Variants in ACAD11 observed in about 807,000 individuals in gnomAD.
ACAD11 encodes the protein acyl-Coenzyme A dehydrogenase family, member 11.
ACAD11 carries 83 observed loss-of-function variants against 102.2 expected under a neutral mutation model. The ratio of observed to expected loss-of-function variants is 0.81; its 90% CI spans 0.68 to 0.97. The LOEUF is 0.97. Ranked by LOEUF, ACAD11 falls within the 50% of genes least tolerant of loss-of-function variation. The probability of loss-of-function intolerance (pLI) is 0.00; values close to 1 mark genes in which losing one functional copy is unlikely to be tolerated. For missense variants in ACAD11, 901 were observed against 951.7 expected (o/e 0.95, Z 0.70); for synonymous variants, 324 against 319.8 (o/e 1.01, Z -0.14).
intron 13 of ACAD11, among the ~76,000 whole-genome samples, chr3:132,596,895 T>G (rs927762939): frequency 3.3e-5 from 5 of 152,228 alleles, no homozygotes; most frequent in African/African-American, 1.2e-4. Flanking sequence ...ATATTTTCCT[T>G]GGTTAAAATC....
intron 9 of ACAD11, among the ~76,000 whole-genome samples, chr3:132,625,818 T>C (rs1391729408): frequency 4.6e-5 from 7 of 152,196 alleles, no homozygotes; most frequent in Admixed American, 2.0e-4. Context: ...CTCAGAATCA[T>C]AGATGATTAA....
At chr3:132,641,490 G>C (rs954475570) in intron 4 of ACAD11, among the ~76,000 whole-genome samples, 1 of 151,882 alleles carries the variant, frequency 6.6e-6, no homozygotes, top group African/African-American at 2.4e-5. Flanking sequence ...CTTGCAGTGA[G>C]CAGAGATTGC....
At chr3:132,630,302 C>T (rs1356966921) in intron 7 of ACAD11, 135 bp downstream of exon 7, 4 of 977,012 alleles carry the variant, frequency 4.1e-6, no homozygotes, top group Non-Finnish European at 5.6e-6. Flanking sequence ...TATATTTTAC[C>T]TATGTCTGAT....
At position 132,642,752 on chromosome 3, in the gene ACAD11, G is replaced by C. The variant is rs9877018; in HGVS notation, c.300C>G (p.Pro100=). ...TGCAGTACAGTATAGGCTTGGGAAC[G>C]GGGAATCCAATTGAAAACAAGGCTT... The part of the protein sequence containing the change: ...VQKALFSIGF[P]VPKPILYCSD... Residue 100 remains proline (P), a synonymous_variant, in exon 3 of 20, where the codon CCC becomes CCG. Coordinates refer to ENST00000264990, the MANE Select transcript of ACAD11 (RefSeq NM_032169.5). 13 of 1,613,136 alleles carry C rather than the reference G, an allele frequency of 8.1e-6. No homozygotes were observed. In the South Asian group the frequency reaches 1.4e-4, roughly 18 times the overall value.
chr3:132,656,056 C>A lies in ACAD11; in HGVS notation c.149+3547G>T, dbSNP rs375388753. 7.4e-4 allele frequency among the ~76,000 whole-genome samples: 113 copies of A among 152,264 alleles called. 1 individual carries two copies. The highest frequency in any genetic ancestry group is 2.6e-3 in the African/African-American group (108 of 41,544). ...GTATGTCCTTCCCCTTGAGTGACTA[C>A]CATTCTGAATTTTATATTTATCATT... On this transcript the variant is annotated intron_variant, in intron 1 of 19. Coordinates refer to ENST00000264990, the MANE Select transcript of ACAD11 (RefSeq NM_032169.5).
chr3:132,559,956 A>C lies in ACAD11; in HGVS notation c.2119-14T>G. 6.3e-7 allele frequency: 1 copy of C among 1,594,352 alleles called. No homozygotes were observed. Among genetic ancestry groups the C allele is most frequent in the Non-Finnish European group, 8.6e-7 (1 of 1,164,556 alleles). Reference sequence around the variant, plus strand: ...GATCATTGCAATCTATATAAGCAAAATATGAAAAGAATGCTTCTTTCTTAG... The same window carrying C: ...GATCATTGCAATCTATATAAGCAAACTATGAAAAGAATGCTTCTTTCTTAG... On this transcript the variant is annotated splice_polypyrimidine_tract_variant and intron_variant, in intron 18 of 19. Coordinates refer to ENST00000264990, the MANE Select transcript of ACAD11 (RefSeq NM_032169.5).
chr3:132,578,924 GA>G, intron 14 of ACAD11, 43 bp from the exon 15 acceptor site: 1 of 1,608,620 alleles, frequency 6.2e-7, no homozygotes, highest in East Asian at 2.2e-5. Context: ...TTGCTAAGAA[GA>G]AAAATAAAAC....
intron 11 of ACAD11, among the ~76,000 whole-genome samples, chr3:132,605,464 C>A (rs932985732): frequency 6.6e-6 from 1 of 152,198 alleles, no homozygotes; most frequent in Non-Finnish European, 1.5e-5. Context: ...AAGAATGGCA[C>A]TAATGACATC....
At chr3:132,641,296 C>T (rs1443980169) in intron 4 of ACAD11, among the ~76,000 whole-genome samples, 1 of 152,098 alleles carries the variant, frequency 6.6e-6, no homozygotes, top group Admixed American at 6.5e-5. Context: ...GTAATTCCAG[C>T]ACTTTGGGAG....
intron 13 of ACAD11, among the ~76,000 whole-genome samples, chr3:132,595,882 C>G (rs931780629): frequency 2.0e-5 from 3 of 151,688 alleles, no homozygotes; most frequent in African/African-American, 7.3e-5. Context: ...TCCTCAAAGA[C>G]CTAAAGACAG....
At chr3:132,595,907 C>T (rs1430019134) in intron 13 of ACAD11, among the ~76,000 whole-genome samples, 1 of 152,024 alleles carries the variant, frequency 6.6e-6, no homozygotes, top group Non-Finnish European at 1.5e-5. Context: ...ATCATTCGAG[C>T]CAACAATTCC....
Position 132,642,118 on chromosome 3 carries a change from C to T in ACAD11, c.391G>A (p.Asp131Asn), listed in dbSNP as rs1347456083. ...GGGCTAAGTCCAGGAATTGTTAAAT[C>T]ACGGAAGATTCGACCCTATGGAAGT... ...MEHVQGRIFR[D>N]LTIPGLSPAE... The change falls in exon 4 of 20, where the codon GAT (aspartate) becomes AAT (asparagine). Residue 131 changes from aspartate (D) to asparagine (N), a missense_variant. Coordinates refer to ENST00000264990, the MANE Select transcript of ACAD11 (RefSeq NM_032169.5). 6.2e-7 allele frequency: 1 copy of T among 1,613,748 alleles called. No individual in the cohort carries two copies. Among genetic ancestry groups the T allele is most frequent in the South Asian group, 1.1e-5 (1 of 91,056 alleles).
At chr3:132,655,098 C>T (rs927093107) in intron 1 of ACAD11, among the ~76,000 whole-genome samples, 3 of 152,170 alleles carry the variant, frequency 2.0e-5, no homozygotes, top group Non-Finnish European at 2.9e-5. Flanking sequence ...GGACCACTGC[C>T]GTATATGCAG....
chr3:132,597,446 A>AC, intron 13 of ACAD11: 1 of 152,242 alleles, frequency 6.6e-6, no homozygotes, highest in South Asian at 2.1e-4. Flanking sequence ...CTTGTAAAAA[A>AC]AAAAAAAAGG....
At chr3:132,635,846 T>G (rs1391062097) in intron 5 of ACAD11, among the ~76,000 whole-genome samples, 1 of 151,806 alleles carries the variant, frequency 6.6e-6, no homozygotes, top group Non-Finnish European at 1.5e-5. Flanking sequence ...TTATTGTGGT[T>G]ATATTATACT....
At chr3:132,597,615 G>C (rs948831484) in intron 13 of ACAD11, among the ~76,000 whole-genome samples, 1 of 151,596 alleles carries the variant, frequency 6.6e-6, no homozygotes, top group Non-Finnish European at 1.5e-5. Context: ...TACAAGTACT[G>C]ATTTTTTTTT....
chr3:132,627,629 C>T lies in ACAD11; in HGVS notation c.1070+711G>A, dbSNP rs554200702. Among the ~76,000 whole-genome samples the T allele has an allele frequency of 2.6e-5, 4 of 152,234 alleles. No individual in the cohort carries two copies. In the South Asian group the frequency reaches 8.3e-4, roughly 32 times the overall value. On this transcript the variant is annotated intron_variant, in intron 8 of 19. Coordinates refer to ENST00000264990, the MANE Select transcript of ACAD11 (RefSeq NM_032169.5). Reference sequence around the variant, plus strand: ...CCATGGCACATACATACCTATGTAACAAACCTGCAGGCTCTGCACATTTAT... The same window carrying T: ...CCATGGCACATACATACCTATGTAATAAACCTGCAGGCTCTGCACATTTAT...
intron 12 of ACAD11, 119 bp from the exon 13 acceptor site, chr3:132,603,446 C>T: frequency 1.3e-6 from 1 of 775,440 alleles, no homozygotes; most frequent in Non-Finnish European, 2.1e-6. Flanking sequence ...CTTTCACTCC[C>T]CATTCCACCC....
At chr3:132,645,347 G>A (rs1329679270) in intron 1 of ACAD11, among the ~76,000 whole-genome samples, 1 of 152,172 alleles carries the variant, frequency 6.6e-6, no homozygotes, top group African/African-American at 2.4e-5. Context: ...GTGTCAACAA[G>A]GCTAGTGCGT....
Sources: gnomAD v4.1 joint callset for allele counts (sites outside exome capture counted in the v4.1 genomes callset) on GRCh38, gnomAD v4.1.1 for gene constraint, MANE v1.5 for transcripts, NCBI Gene and HGNC (gene_info 2026-07-23, HGNC 2026-07-21) for gene names.